The following ABCC12 variants were observed in gnomAD, a reference collection of about 807,000 sequenced individuals.
ABCC12 encodes ATP binding cassette subfamily C member 12, also known as ATP-binding cassette sub-family C member 12.
ABCC12 carries 142 observed loss-of-function variants against 151.1 expected under a neutral mutation model. The ratio of observed to expected loss-of-function variants is 0.94; its 90% CI spans 0.82 to 1.08. The LOEUF (loss-of-function observed/expected upper bound fraction) is 1.08, where lower values mean the gene tolerates loss of function less well. Among genes scored for constraint, ABCC12 ranks in the 50% least tolerant of loss-of-function variants. The probability of loss-of-function intolerance (pLI) is 0.00; values close to 1 mark genes in which losing one functional copy is unlikely to be tolerated. For synonymous variants in ABCC12, 645 were observed against 646.4 expected, an observed-to-expected ratio of 1.00 and a Z score of 0.03; for missense variants, 1,638 against 1,691.1, an observed-to-expected ratio of 0.97 and a Z score of 0.55.
At chr16:48,100,367 A>G (rs1963259944) in intron 23 of ABCC12, among the ~76,000 whole-genome samples, 1 of 152,232 alleles carries the variant, frequency 6.6e-6, no homozygotes, top group South Asian at 2.1e-4. Context: ...GCTAAGTGAA[A>G]TGAAAGGTGG....
rs2150625376 is a variant in ABCC12, at chr16:48,115,589, C to A, written c.1815G>T (p.Gly605=). ...CCAGGCTAATCCTCTGCCTCTGCCC[C>A]CCAGAGAGGTTGAGGCCCCGCTCCC... The part of the protein sequence containing the change: ...EIGERGLNLS[G]GQRQRISLAR... Residue 605 remains glycine (G), a synonymous_variant, in exon 15 of 31, where the codon GGG becomes GGT. Transcript: ENST00000311303. 4 of 1,614,012 alleles carry A rather than the reference C, an allele frequency of 2.5e-6. No individual in the cohort carries two copies. The East Asian group carries it at 8.9e-5, about 36-fold the overall frequency.
At chr16:48,102,753 T>TA (rs1156620760) in intron 22 of ABCC12, among the ~76,000 whole-genome samples, 1 of 152,160 alleles carries the variant, frequency 6.6e-6, no homozygotes, top group Non-Finnish European at 1.5e-5. Flanking sequence ...CATCCGAAAC[T>TA]AAACTCGTAT....
rs140625472 is a variant in ABCC12 at position 48,130,888 on chromosome 16, C to T, written c.1136G>A (p.Ser379Asn). ...RRKLTAPVAF[S>N]VIAMFNVMKF... is the part of the protein sequence containing the mutation. ...CATTACATTAAACATGGCAATCACACTAAATGCCTGAAGAACAAAAGAGAA... is the reference window on the plus strand; with the variant it reads ...CATTACATTAAACATGGCAATCACATTAAATGCCTGAAGAACAAAAGAGAA... Residue 379 changes from serine (S) to asparagine (N), a missense_variant, in exon 10 of 31, where the codon AGT becomes AAT. Physicochemically the swap from Ser to Asn is conservative, Grantham distance 46 (BLOSUM62 1). Coordinates refer to ENST00000311303, the MANE Select transcript of ABCC12 (RefSeq NM_001393797.1). The T allele has an allele frequency of 5.6e-6, 9 of 1,609,474 alleles. No homozygotes were observed. The highest frequency in any genetic ancestry group is 4.0e-5 in the African/African-American group (3 of 74,994).
At chr16:48,087,801 G>A (rs960955679) in intron 27 of ABCC12, 125 bp downstream of exon 27, 102 of 1,050,204 alleles carry the variant, frequency 9.7e-5, no homozygotes, top group Non-Finnish European at 1.2e-4. Flanking sequence ...GAGCCCCCCT[G>A]GGATACTGCT....
chr16:48,094,643 C>T (rs1434995308), intron 24 of ABCC12, among the ~76,000 whole-genome samples: 1 of 152,206 alleles, frequency 6.6e-6, no homozygotes, highest in Non-Finnish European at 1.5e-5. Context: ...CACATGGACA[C>T]ACACACATAA....
intron 29 of ABCC12, 60 bp from the exon 30 acceptor site, chr16:48,084,133 G>T (rs1962480819): frequency 1.4e-6 from 2 of 1,475,504 alleles, no homozygotes; most frequent in East Asian, 4.9e-5. Context: ...TACAGCCTCG[G>T]CTCTATTTAC....
At chr16:48,152,228 G>A (rs1414164570) in intron 2 of ABCC12, among the ~76,000 whole-genome samples, 1 of 152,220 alleles carries the variant, frequency 6.6e-6, no homozygotes, top group Admixed American at 6.5e-5. Flanking sequence ...AGGAGACAGA[G>A]GGAGGCTATC....
At chr16:48,114,280 G>A (rs1963799817) in intron 15 of ABCC12, among the ~76,000 whole-genome samples, 1 of 152,146 alleles carries the variant, frequency 6.6e-6, no homozygotes, top group Admixed American at 6.5e-5. Flanking sequence ...CACAGCAATG[G>A]GAAAGCTTGG....
intron 4 of ABCC12, 98 bp from the exon 5 acceptor site, chr16:48,141,451 G>T: frequency 6.7e-7 from 1 of 1,491,658 alleles, no homozygotes; most frequent in Non-Finnish European, 9.1e-7. Flanking sequence ...GCTCGGCAGA[G>T]CCCCCCTCCC....
chr16:48,091,129 T>C lies in ABCC12; in HGVS notation c.3276A>G (p.Glu1092=). The C allele has an allele frequency of 6.2e-7, 1 of 1,614,232 alleles. No individual in the cohort carries two copies. The highest frequency in any genetic ancestry group is 8.5e-7 in the Non-Finnish European group (1 of 1,180,020). ...TGCACTAATTTCTTACCGAAATGTATTCCCTGAGCAGCTCCACGGAGGTGA... is the reference window on the plus strand; with the variant it reads ...TGCACTAATTTCTTACCGAAATGTACTCCCTGAGCAGCTCCACGGAGGTGA... ...AKFTSVELLR[E]YISTCVPECT... The change falls in exon 25 of 31, where the codon GAA becomes GAG. Residue 1092 remains glutamate, a synonymous_variant. Coordinates refer to ENST00000311303, the MANE Select transcript of ABCC12 (RefSeq NM_001393797.1).
chr16:48,114,643 C>T (rs533821476), intron 15 of ABCC12, among the ~76,000 whole-genome samples: 50 of 152,274 alleles, frequency 3.3e-4, no homozygotes, highest in Non-Finnish European at 5.0e-4. Flanking sequence ...CATGCACTGC[C>T]CCCCCTTCCC....
intron 19 of ABCC12, among the ~76,000 whole-genome samples, chr16:48,107,957 C>T (rs1329566049): frequency 6.6e-6 from 1 of 151,270 alleles, no homozygotes; most frequent in Non-Finnish European, 1.5e-5. Flanking sequence ...TGCAGTCAGC[C>T]GAGATTGCAC....
At chr16:48,117,484 T>G (rs1963925046) in intron 13 of ABCC12, 151 bp from the exon 14 acceptor site, 1 of 741,976 alleles carries the variant, frequency 1.3e-6, no homozygotes. Context: ...CGCTCTGCCT[T>G]CAATGACCCA....
At chr16:48,145,967 C>CCT (rs2150681334) in intron 3 of ABCC12, among the ~76,000 whole-genome samples, 1 of 152,352 alleles carries the variant, frequency 6.6e-6, no homozygotes, top group Non-Finnish European at 1.5e-5. Context: ...AGTCACTTAA[C>CCT]CTCTCTGTGC....
intron 28 of ABCC12, among the ~76,000 whole-genome samples, 194 bp from the exon 29 acceptor site, chr16:48,085,900 A>G (rs558346055): frequency 6.6e-6 from 1 of 152,334 alleles, no homozygotes; most frequent in South Asian, 2.1e-4. Context: ...ACGGACATTA[A>G]TAATTTAAAA....
chr16:48,115,727 ATCCTCGCCATATCC>A, intron 14 of ABCC12, 109 bp from the exon 15 acceptor site: 1 of 1,140,752 alleles, frequency 8.8e-7, no homozygotes, highest in Non-Finnish European at 1.2e-6. Flanking sequence ...GTACACACTG[ATCCTCGCCATATCC>A]AAGTTCCTCC....
chr16:48,108,666 A>G, intron 18 of ABCC12, 137 bp from the exon 19 acceptor site: 1 of 646,710 alleles, frequency 1.5e-6, no homozygotes, highest in Non-Finnish European at 2.7e-6. Context: ...CATGCTCTCA[A>G]ATGCACTTCC....
intron 25 of ABCC12, among the ~76,000 whole-genome samples, chr16:48,090,886 T>G (rs1962851948): frequency 6.6e-6 from 1 of 152,096 alleles, no homozygotes; most frequent in Non-Finnish European, 1.5e-5. Flanking sequence ...AATTTTTGTA[T>G]TTTTAGTGGA....
intron 1 of ABCC12, among the ~76,000 whole-genome samples, chr16:48,155,362 A>T (rs974700968): frequency 6.7e-6 from 1 of 149,752 alleles, no homozygotes; most frequent in Non-Finnish European, 1.5e-5. Context: ...CAGGAAAATA[A>T]TATATTTAAA....
Sources: gnomAD v4.1 joint callset for allele counts (sites outside exome capture counted in the v4.1 genomes callset) on GRCh38, gnomAD v4.1.1 for gene constraint, MANE v1.5 for transcripts, NCBI Gene and HGNC (gene_info 2026-07-23, HGNC 2026-07-21) for gene names.